Variants in FRMD6 observed in about 807,000 individuals in gnomAD.
FRMD6 encodes the protein FERM domain containing 6, also known as FERM domain-containing protein 6.
Under a neutral mutation model 73.2 loss-of-function variants are expected in FRMD6, and 37 were observed. That is an observed-to-expected ratio of 0.51 (90% CI 0.39 to 0.66). The LOEUF (loss-of-function observed/expected upper bound fraction) is 0.66, where lower values mean the gene tolerates loss of function less well. FRMD6 is among the 30% of genes least tolerant of loss of function. FRMD6 has a pLI of 0.00. For missense variants in FRMD6, 714 were observed against 780.5 expected (o/e 0.91, Z 1.02); for synonymous variants, 273 against 282.2 (o/e 0.97, Z 0.33).
rs575787263 is a variant in FRMD6 at position 51,593,293 on chromosome 14, A to T, written c.-147+22883A>T. On this transcript the variant is annotated intron_variant, in intron 2 of 14. Transcript: ENST00000356218. Reference sequence around the variant, plus strand: ...AGAGGGTATTTGTAATGTAGCCTCTAATGCAGCCAAAGAAACATGCTGACC... The same window carrying T: ...AGAGGGTATTTGTAATGTAGCCTCTTATGCAGCCAAAGAAACATGCTGACC... 3.3e-5 allele frequency among the ~76,000 whole-genome samples: 5 copies of T among 152,334 alleles called. No individual in the cohort carries two copies. The South Asian group carries it at 1.0e-3, about 32-fold the overall frequency.
intron 2 of FRMD6, among the ~76,000 whole-genome samples, chr14:51,591,345 A>C (rs1428007597): frequency 6.6e-6 from 1 of 152,234 alleles, no homozygotes; most frequent in Non-Finnish European, 1.5e-5. Flanking sequence ...CACCTCATTG[A>C]AAGTACAAAG....
chr14:51,544,550 T>C (rs1566804352), intron 1 of FRMD6, among the ~76,000 whole-genome samples: 1 of 152,076 alleles, frequency 6.6e-6, no homozygotes, highest in Non-Finnish European at 1.5e-5. Context: ...TTGAGATTTT[T>C]TTTTACTCAA....
At chr14:51,423,986 G>A in the FRMD6 span, among the ~76,000 whole-genome samples, 1 of 152,338 alleles carries the variant, frequency 6.6e-6, no homozygotes, top group Non-Finnish European at 1.5e-5. Context: ...GAAATAATGT[G>A]TGAATGAAAG....
chr14:51,406,030 C>A, the FRMD6 span, among the ~76,000 whole-genome samples: 2 of 152,140 alleles, frequency 1.3e-5, no homozygotes, highest in African/African-American at 4.8e-5. Context: ...AGGAAGAGGG[C>A]TGGTTTCAAT....
chr14:51,451,530 T>C, the FRMD6 span, among the ~76,000 whole-genome samples: 143 of 152,290 alleles, frequency 9.4e-4, no homozygotes, highest in East Asian at 3.5e-3. Flanking sequence ...TGTGCCACCA[T>C]GCCTGGGTAA....
chr14:51,433,881 A>G, the FRMD6 span, among the ~76,000 whole-genome samples: 80,817 of 152,172 alleles, frequency 0.53, 21,890 homozygotes, highest in East Asian at 0.68. Flanking sequence ...AGCATTGGAA[A>G]TAGTATTTTG....
At chr14:51,426,858 C>T in the FRMD6 span, among the ~76,000 whole-genome samples, 1 of 152,242 alleles carries the variant, frequency 6.6e-6, no homozygotes, top group East Asian at 1.9e-4. Context: ...TGGGATGGGG[C>T]CTGATCCCTG....
chr14:51,466,320 C>A, the FRMD6 span, among the ~76,000 whole-genome samples: 4 of 152,152 alleles, frequency 2.6e-5, no homozygotes, highest in Admixed American at 2.6e-4. Flanking sequence ...TCCTGAGAAT[C>A]CTTTGCATCC....
intron 1 of FRMD6, among the ~76,000 whole-genome samples, chr14:51,557,296 A>G (rs537809685): frequency 6.6e-6 from 1 of 152,112 alleles, no homozygotes; most frequent in African/African-American, 2.4e-5. Flanking sequence ...ATACATAGGA[A>G]TATTATTCAG....
chr14:51,461,039 A>G, the FRMD6 span, among the ~76,000 whole-genome samples: 1 of 152,228 alleles, frequency 6.6e-6, no homozygotes, highest in Non-Finnish European at 1.5e-5. Context: ...GCTTTTATAG[A>G]TCCAAAGAGC....
chr14:51,608,827 C>A (rs998999465), intron 2 of FRMD6, among the ~76,000 whole-genome samples: 3 of 152,252 alleles, frequency 2.0e-5, no homozygotes, highest in Admixed American at 6.5e-5. Context: ...AAGAGACAGT[C>A]CCTGCTCCAA....
chr14:51,607,794 C>T (rs183861341), intron 2 of FRMD6, among the ~76,000 whole-genome samples: 1 of 152,182 alleles, frequency 6.6e-6, no homozygotes, highest in Non-Finnish European at 1.5e-5. Context: ...ACCGGCCTTC[C>T]GGGTGGGGCC....
At chr14:51,644,914 T>C (rs1047267255) in intron 2 of FRMD6, among the ~76,000 whole-genome samples, 1 of 152,226 alleles carries the variant, frequency 6.6e-6, no homozygotes, top group Non-Finnish European at 1.5e-5. Context: ...AAGAGTGCTA[T>C]TGGCCAGTAC....
chr14:51,526,818 G>C (rs183057790), intron 1 of FRMD6, among the ~76,000 whole-genome samples: 1 of 152,340 alleles, frequency 6.6e-6, no homozygotes, highest in East Asian at 1.9e-4. Flanking sequence ...TAAGGGCTTT[G>C]AGAACATGGA....
chr14:51,708,309 G>T, intron 7 of FRMD6, 76 bp downstream of exon 7: 13 of 1,326,730 alleles, frequency 9.8e-6, no homozygotes, highest in East Asian at 4.8e-5. Context: ...GAAAACCGAA[G>T]GATTTCATTT....
At chr14:51,404,665 A>C in the FRMD6 span, among the ~76,000 whole-genome samples, 71 of 152,248 alleles carry the variant, frequency 4.7e-4, no homozygotes, top group African/African-American at 1.4e-3. Context: ...TCCCTTCTTT[A>C]GTATTCTGCA....
the FRMD6 span, among the ~76,000 whole-genome samples, chr14:51,445,466 G>C: frequency 9.1e-6 from 1 of 109,324 alleles, no homozygotes; most frequent in Non-Finnish European, 1.8e-5. Context: ...CCCTGAAACA[G>C]AAGTGCAATT....
intron 7 of FRMD6, 41 bp downstream of exon 7, chr14:51,708,274 A>G: frequency 6.3e-7 from 1 of 1,578,674 alleles, no homozygotes; most frequent in Non-Finnish European, 8.7e-7. Flanking sequence ...TGAGAAAAAA[A>G]CATCTTCTCA....
intron 6 of FRMD6, among the ~76,000 whole-genome samples, chr14:51,705,745 C>T (rs531792060): frequency 6.6e-5 from 10 of 152,050 alleles, no homozygotes; most frequent in Non-Finnish European, 7.4e-5. Flanking sequence ...CCCATCAGTC[C>T]ACTCATGGTG....
Sources: gnomAD v4.1 joint callset for allele counts (sites outside exome capture counted in the v4.1 genomes callset) on GRCh38, gnomAD v4.1.1 for gene constraint, MANE v1.5 for transcripts, NCBI Gene and HGNC (gene_info 2026-07-23, HGNC 2026-07-21) for gene names.